The following MYO10 variants were observed in gnomAD, a reference collection of about 807,000 sequenced individuals.
MYO10 encodes unconventional myosin-X.
A neutral mutation model predicts 257.3 loss-of-function variants in MYO10; 133 were observed. The ratio of observed to expected loss-of-function variants is 0.52; its 90% CI spans 0.45 to 0.60. The LOEUF is 0.60. MYO10 is among the 20% of genes least tolerant of loss of function. The pLI is 0.00. For synonymous variants in MYO10, 1,104 were observed against 1,028.6 expected, an observed-to-expected ratio of 1.07 and a Z score of -1.40; for missense variants, 2,399 against 2,635.7, an observed-to-expected ratio of 0.91 and a Z score of 1.97.
chr5:16,771,084 T>C lies in MYO10; in HGVS notation c.931-1881A>G, dbSNP rs150361414. Among the ~76,000 whole-genome samples the C allele has an allele frequency of 4.0e-3, 603 of 152,028 alleles. 5 individuals carry two copies. The highest frequency in any genetic ancestry group is 0.014 in the African/African-American group (576 of 41,438). On this transcript the variant is annotated intron_variant, in intron 9 of 40. Coordinates refer to ENST00000513610, the MANE Select transcript of MYO10 (RefSeq NM_012334.3). The stretch of plus-strand genomic sequence containing the variant: ...CGCCAGGCCAAGATTAATTTCTTTA[T>C]AAAGAAAAAGCAATAATGGCAGGAA...
intron 1 of MYO10, among the ~76,000 whole-genome samples, chr5:16,885,953 T>C (rs1744885756): frequency 1.3e-5 from 2 of 152,116 alleles, no homozygotes; most frequent in South Asian, 2.1e-4. Context: ...GTGGCCTTCA[T>C]AGGTCCTTGC....
chr5:16,755,327 G>C (rs1049558914), intron 18 of MYO10, among the ~76,000 whole-genome samples: 5 of 152,082 alleles, frequency 3.3e-5, no homozygotes, highest in African/African-American at 1.2e-4. Flanking sequence ...CACCATGCCC[G>C]GAGAATTTTT....
intron 23 of MYO10, 67 bp downstream of exon 23, chr5:16,702,858 G>A: frequency 7.2e-7 from 1 of 1,396,360 alleles, no homozygotes; most frequent in East Asian, 2.5e-5. Context: ...TGGCTGCACA[G>A]ACAGATACCG....
chr5:16,719,063 T>C (rs1292815387), intron 19 of MYO10, among the ~76,000 whole-genome samples: 1 of 151,970 alleles, frequency 6.6e-6, no homozygotes, highest in East Asian at 1.9e-4. Flanking sequence ...TTTGTTCTTT[T>C]GCTCTTTGCA....
At chr5:16,891,057 C>T (rs1178215382) in intron 1 of MYO10, among the ~76,000 whole-genome samples, 1 of 151,766 alleles carries the variant, frequency 6.6e-6, no homozygotes, top group East Asian at 1.9e-4. Context: ...CCGATACAGG[C>T]GGATCACATG....
intron 35 of MYO10, among the ~76,000 whole-genome samples, chr5:16,674,329 C>T (rs867508793): frequency 3.9e-5 from 6 of 152,182 alleles, no homozygotes; most frequent in South Asian, 4.1e-4. Context: ...ATTAGCCAGG[C>T]GTTGTGGCGG....
chr5:16,774,032 C>G (rs1343998040), intron 9 of MYO10, among the ~76,000 whole-genome samples: 5 of 152,194 alleles, frequency 3.3e-5, no homozygotes, highest in Admixed American at 3.3e-4. Flanking sequence ...TATTTACAAT[C>G]TTTGTTAATA....
chr5:16,847,758 C>A (rs2126732670), intron 2 of MYO10, among the ~76,000 whole-genome samples: 1 of 152,132 alleles, frequency 6.6e-6, no homozygotes. Context: ...CTGTGGTGCA[C>A]AACTGAAGTC....
At chr5:16,915,965 A>G (rs1169967056) in intron 1 of MYO10, 4 of 88,578 alleles carry the variant, frequency 4.5e-5, no homozygotes, top group Admixed American at 4.8e-4. Flanking sequence ...TCAAAAAGAA[A>G]AAAAAAAAAA....
At chr5:16,723,598 C>T (rs941549687) in intron 19 of MYO10, among the ~76,000 whole-genome samples, 1 of 152,088 alleles carries the variant, frequency 6.6e-6, no homozygotes, top group African/African-American at 2.4e-5. Flanking sequence ...CATGATCCAG[C>T]GACTGCCCGC....
intron 23 of MYO10, 122 bp downstream of exon 23, chr5:16,702,803 G>C: frequency 2.0e-6 from 2 of 1,001,984 alleles, no homozygotes; most frequent in Non-Finnish European, 2.9e-6. Flanking sequence ...GCCACCTAGA[G>C]TTACTGTTTC....
intron 3 of MYO10, among the ~76,000 whole-genome samples, chr5:16,817,797 A>T (rs1013121154): frequency 2.0e-5 from 3 of 152,232 alleles, no homozygotes; most frequent in Non-Finnish European, 2.9e-5. Context: ...GCCCTTCCAC[A>T]GAAAGTAAAT....
chr5:16,794,971 G>A, intron 3 of MYO10, 138 bp from the exon 4 acceptor site: 1 of 580,036 alleles, frequency 1.7e-6, no homozygotes, highest in Non-Finnish European at 2.7e-6. Flanking sequence ...TGCCTTTCTG[G>A]GTACCAAATC....
chr5:16,904,408 T>A (rs1235409906), intron 1 of MYO10, among the ~76,000 whole-genome samples: 2 of 152,214 alleles, frequency 1.3e-5, no homozygotes, highest in African/African-American at 4.8e-5. Flanking sequence ...AACCCTGATG[T>A]ACAGGCTGCT....
intron 1 of MYO10, among the ~76,000 whole-genome samples, chr5:16,913,147 T>C (rs1171863844): frequency 6.7e-6 from 1 of 148,588 alleles, no homozygotes; most frequent in Non-Finnish European, 1.5e-5. Flanking sequence ...CAAACTCTTT[T>C]CTCACTTCCA....
chr5:16,851,785 G>A (rs544101244), intron 2 of MYO10, among the ~76,000 whole-genome samples: 2 of 152,258 alleles, frequency 1.3e-5, no homozygotes, highest in East Asian at 1.9e-4. Flanking sequence ...GGGCGTGGTG[G>A]CTCATGCCTG....
intron 26 of MYO10, among the ~76,000 whole-genome samples, chr5:16,696,069 G>T (rs1260178470): frequency 6.6e-6 from 1 of 152,210 alleles, no homozygotes; most frequent in Admixed American, 6.5e-5. Context: ...TTATCTTGTT[G>T]TTGTTAAATG....
At chr5:16,804,919 T>A (rs1462971775) in intron 3 of MYO10, among the ~76,000 whole-genome samples, 2 of 151,704 alleles carry the variant, frequency 1.3e-5, no homozygotes, top group Non-Finnish European at 2.9e-5. Context: ...TCAAAAAAAA[T>A]TATTTGAAAT....
chr5:16,913,132 T>C (rs760059952), intron 1 of MYO10, among the ~76,000 whole-genome samples: 1 of 151,462 alleles, frequency 6.6e-6, no homozygotes, highest in Non-Finnish European at 1.5e-5. Context: ...TCCCCAGTTA[T>C]AAAACAAACT....
Sources: allele counts gnomAD v4.1 joint callset (sites outside exome capture counted in the v4.1 genomes callset), GRCh38; gene constraint gnomAD v4.1.1; transcripts MANE v1.5; gene names NCBI Gene and HGNC (gene_info 2026-07-23, HGNC 2026-07-21).